KIAA1217: variants seen among roughly 807,000 people sequenced by gnomAD.
The protein encoded by KIAA1217 is KIAA1217.
KIAA1217 carries 88 observed loss-of-function variants against 163.9 expected under a neutral mutation model. The observed-to-expected ratio is 0.54, with a 90% CI of 0.45 to 0.64. The LOEUF (loss-of-function observed/expected upper bound fraction) is 0.64. Among genes scored for constraint, KIAA1217 ranks in the 30% least tolerant of loss-of-function variants. KIAA1217 has a pLI of 0.00. For missense variants in KIAA1217, 2,372 were observed against 2,475.0 expected, an observed-to-expected ratio of 0.96 and a Z score of 0.88; for synonymous variants, 903 against 923.1, an observed-to-expected ratio of 0.98 and a Z score of 0.39.
intron 1 of KIAA1217, among the ~76,000 whole-genome samples, chr10:23,878,184 G>A (rs1407106415): frequency 6.6e-6 from 1 of 151,892 alleles, no homozygotes; most frequent in Non-Finnish European, 1.5e-5. Context: ...TCCAGACATG[G>A]TTTTTATTGA....
intron 1 of KIAA1217, among the ~76,000 whole-genome samples, chr10:24,003,188 G>A (rs1846831157): frequency 6.6e-6 from 1 of 152,032 alleles, no homozygotes; most frequent in African/African-American, 2.4e-5. Flanking sequence ...AGGATTGCTG[G>A]ATTGATTGGT....
At chr10:23,958,889 G>A (rs565348207) in intron 1 of KIAA1217, among the ~76,000 whole-genome samples, 16 of 150,784 alleles carry the variant, frequency 1.1e-4, no homozygotes, top group African/African-American at 3.9e-4. Context: ...GCTGTTTCAT[G>A]CACAGGTTGT....
rs547597286 is a variant in KIAA1217, at chr10:23,855,830, A to T, written c.-320-151395A>T. ...GGCTCCTGAGGCTTCTGCATTCTTC[A>T]TGTAGTTCTCAAGCCTTGGCTTTCG... On this transcript the variant is annotated intron_variant, in intron 1 of 18. Transcript: ENST00000376462. Among the ~76,000 whole-genome samples, 985 of 152,096 alleles carry T rather than the reference A, an allele frequency of 6.5e-3. 32 individuals carry two copies. Among genetic ancestry groups the T allele is most frequent in the Admixed American group, 0.045 (681 of 15,268 alleles).
intron 3 of KIAA1217, among the ~76,000 whole-genome samples, chr10:24,416,879 G>A (rs973864199): frequency 5.9e-5 from 9 of 152,082 alleles, no homozygotes; most frequent in Non-Finnish European, 1.2e-4. Context: ...TGTGAGGGGT[G>A]CATACACCAA....
chr10:24,103,349 T>C (rs2062492847), intron 2 of KIAA1217, among the ~76,000 whole-genome samples: 1 of 152,122 alleles, frequency 6.6e-6, no homozygotes, highest in East Asian at 1.9e-4. Flanking sequence ...GATGTGGTAA[T>C]GACTTATTAG....
chr10:23,959,878 T>C (rs1475265268), intron 1 of KIAA1217, among the ~76,000 whole-genome samples: 1 of 151,990 alleles, frequency 6.6e-6, no homozygotes, highest in Non-Finnish European at 1.5e-5. Flanking sequence ...TGAAGGTCTT[T>C]TGACCTACTT....
chr10:24,391,318 T>A (rs1057325284), intron 3 of KIAA1217, among the ~76,000 whole-genome samples: 1 of 91,222 alleles, frequency 1.1e-5, no homozygotes. Flanking sequence ...GGTTCTCCTG[T>A]TTCTTTCTTT....
intron 5 of KIAA1217, among the ~76,000 whole-genome samples, chr10:24,472,628 GA>G (rs2063648765): frequency 6.6e-6 from 1 of 152,096 alleles, no homozygotes; most frequent in Non-Finnish European, 1.5e-5. Context: ...ATTTTTTCCT[GA>G]AATCCCACAA....
At chr10:24,124,930 T>C (rs1298877224) in intron 2 of KIAA1217, among the ~76,000 whole-genome samples, 1 of 152,196 alleles carries the variant, frequency 6.6e-6, no homozygotes, top group African/African-American at 2.4e-5. Context: ...GTTTGTTCTA[T>C]TCTATGAGAC....
intron 6 of KIAA1217, among the ~76,000 whole-genome samples, chr10:24,485,263 G>A (rs1197719179): frequency 2.0e-5 from 3 of 152,094 alleles, no homozygotes; most frequent in Admixed American, 2.0e-4. Flanking sequence ...TGTTTAACAA[G>A]GGGTAGGGGC....
intron 1 of KIAA1217, among the ~76,000 whole-genome samples, chr10:23,794,782 A>G (rs1399575719): frequency 6.6e-6 from 1 of 152,258 alleles, no homozygotes; most frequent in Non-Finnish European, 1.5e-5. Context: ...TGATGATTTT[A>G]ACGTGTATAC....
chr10:23,994,432 G>T (rs1329987537), intron 1 of KIAA1217, among the ~76,000 whole-genome samples: 1 of 152,202 alleles, frequency 6.6e-6, no homozygotes, highest in African/African-American at 2.4e-5. Flanking sequence ...TATCGTGATC[G>T]TTGGGTTCTC....
At chr10:24,511,199 A>AAATGATGT (rs1321581335) in intron 9 of KIAA1217, among the ~76,000 whole-genome samples, 2 of 146,662 alleles carry the variant, frequency 1.4e-5, no homozygotes. Context: ...TGAAGAACTG[A>AAATGATGT]AATGATGTAT....
intron 1 of KIAA1217, among the ~76,000 whole-genome samples, chr10:23,718,332 G>T (rs12251542): frequency 0.051 from 7,800 of 151,916 alleles, 315 homozygotes; most frequent in African/African-American, 0.11. Flanking sequence ...GTTTCTTTTT[G>T]GAAATATTTA....
intron 2 of KIAA1217, among the ~76,000 whole-genome samples, chr10:24,220,754 CTTTTTTTT>C (rs58991505): frequency 2.7e-5 from 2 of 74,202 alleles, no homozygotes; most frequent in Non-Finnish European, 2.4e-5. Flanking sequence ...GCACCCCGGC[CTTTTTTTT>C]TTTTTTTTTT....
intron 2 of KIAA1217, among the ~76,000 whole-genome samples, chr10:24,363,408 T>G (rs564963148): frequency 6.6e-6 from 1 of 152,320 alleles, no homozygotes; most frequent in African/African-American, 2.4e-5. Flanking sequence ...TTTTTGCCAT[T>G]TTCTTATGAT....
chr10:24,141,836 C>A (rs977258333), intron 2 of KIAA1217, among the ~76,000 whole-genome samples: 1 of 151,862 alleles, frequency 6.6e-6, no homozygotes, highest in African/African-American at 2.4e-5. Flanking sequence ...GACTTCCCAA[C>A]CTCCAGAACT....
At chr10:23,813,648 T>C (rs987567735) in intron 1 of KIAA1217, among the ~76,000 whole-genome samples, 3 of 152,218 alleles carry the variant, frequency 2.0e-5, no homozygotes, top group Admixed American at 6.5e-5. Context: ...TTGTAAAGTA[T>C]TTTCAATATT....
chr10:24,460,258 T>A (rs2062246167), intron 5 of KIAA1217, among the ~76,000 whole-genome samples: 1 of 152,200 alleles, frequency 6.6e-6, no homozygotes, highest in African/African-American at 2.4e-5. Context: ...CATAAGCCTA[T>A]AAAATTGTAT....
Sources: gnomAD v4.1 joint callset for allele counts (sites outside exome capture counted in the v4.1 genomes callset) on GRCh38, gnomAD v4.1.1 for gene constraint, MANE v1.5 for transcripts, NCBI Gene and HGNC (gene_info 2026-07-23, HGNC 2026-07-21) for gene names.